CD38: variants seen among roughly 807,000 people sequenced by gnomAD.
CD38 encodes ADP-ribosyl cyclase/cyclic ADP-ribose hydrolase 1.
CD38 carries 31 observed loss-of-function variants against 36.3 expected under a neutral mutation model. The ratio of observed to expected loss-of-function variants is 0.85; its 90% CI spans 0.64 to 1.15. The LOEUF (loss-of-function observed/expected upper bound fraction) is 1.15, where lower values mean the gene tolerates loss of function less well. CD38 is among the 50% of genes most tolerant of loss of function. The pLI is 0.00. For missense variants in CD38, 380 were observed against 371.9 expected (o/e 1.02, Z -0.18); for synonymous variants, 131 against 135.2 (o/e 0.97, Z 0.22).
At chr4:15,847,955 A>G (rs994855226) in intron 7 of CD38, among the ~76,000 whole-genome samples, 6 of 152,172 alleles carry the variant, frequency 3.9e-5, no homozygotes, top group African/African-American at 1.2e-4. Context: ...ACACATCACA[A>G]GGGCAGGTTC....
intron 3 of CD38, among the ~76,000 whole-genome samples, chr4:15,830,728 T>C (rs1003055798): frequency 6.6e-6 from 1 of 152,162 alleles, no homozygotes; most frequent in South Asian, 2.1e-4. Flanking sequence ...AGTAGTTTCA[T>C]AGTTTGAGGT....
chr4:15,838,063 G>A (rs1416847723), intron 4 of CD38, 29 bp from the exon 5 acceptor site: 1 of 1,586,216 alleles, frequency 6.3e-7, no homozygotes, highest in South Asian at 1.1e-5. Context: ...AAGTTTGCAT[G>A]ATGAATGGTG....
intron 2 of CD38, among the ~76,000 whole-genome samples, chr4:15,823,491 GC>G (rs1723783320): frequency 6.6e-6 from 1 of 151,870 alleles, no homozygotes; most frequent in Admixed American, 6.6e-5. Context: ...AAAATAAACA[GC>G]CCCATCAAAA....
At chr4:15,842,330 C>T (rs927641946) in intron 7 of CD38, among the ~76,000 whole-genome samples, 4 of 136,634 alleles carry the variant, frequency 2.9e-5, no homozygotes, top group Admixed American at 1.4e-4. Flanking sequence ...AGTATTCCAA[C>T]AGACCTGCAG....
intron 1 of CD38, among the ~76,000 whole-genome samples, chr4:15,800,723 A>C (rs2148918406): frequency 6.6e-6 from 1 of 152,288 alleles, no homozygotes; most frequent in African/African-American, 2.4e-5. Context: ...AACTTACTGA[A>C]AATGATGAAA....
chr4:15,786,764 C>T (rs553360105), intron 1 of CD38, among the ~76,000 whole-genome samples: 7 of 152,322 alleles, frequency 4.6e-5, no homozygotes, highest in East Asian at 1.9e-4. Flanking sequence ...GTGGATGGGA[C>T]GCCAGGGAGC....
intron 6 of CD38, 27 bp downstream of exon 6, chr4:15,840,145 T>A (rs369017095): frequency 6.8e-7 from 1 of 1,463,272 alleles, no homozygotes; most frequent in African/African-American, 1.4e-5. Context: ...TGTACCCAAG[T>A]GTTATTTTAT....
intron 1 of CD38, among the ~76,000 whole-genome samples, chr4:15,782,189 C>T (rs955090905): frequency 2.6e-5 from 4 of 152,224 alleles, no homozygotes; most frequent in African/African-American, 9.7e-5. Context: ...GCCTGGCAAG[C>T]CCACTCAAAG....
chr4:15,782,680 T>C (rs1190787638), intron 1 of CD38, among the ~76,000 whole-genome samples: 1 of 152,206 alleles, frequency 6.6e-6, no homozygotes, highest in African/African-American at 2.4e-5. Context: ...CCCCAAACCC[T>C]CAATTTCTGT....
chr4:15,780,516 TCTCACA>T (rs1180366314), intron 1 of CD38, among the ~76,000 whole-genome samples: 163 of 112,444 alleles, frequency 1.4e-3, no homozygotes, highest in East Asian at 0.012. Flanking sequence ...ATATTCTCTC[TCTCACA>T]CACACACACA....
rs1475646055 is a variant in CD38, at chr4:15,849,913, T to C, written c.*1311T>C. 2.6e-5 allele frequency: 4 copies of C among 152,234 alleles called. No individual in the cohort carries two copies. The South Asian group carries it at 6.2e-4, about 24-fold the overall frequency. The allele number at this position is 152,234 out of a possible 1,614,324, so 9.4% of individuals were successfully genotyped here. A position where few individuals can be genotyped will look rare whatever the true frequency, so the allele number is the denominator to read the frequency against. Reference sequence around the variant, plus strand: ...TTTAGCTGCAGCTCTTATGTTTTGATATGCCTCTCTTTATTATCCTTCAGT... The same window carrying C: ...TTTAGCTGCAGCTCTTATGTTTTGACATGCCTCTCTTTATTATCCTTCAGT... On this transcript the variant is annotated 3_prime_UTR_variant, in exon 8 of 8. Transcript: ENST00000226279.
chr4:15,847,748 C>A (rs571257326), intron 7 of CD38, among the ~76,000 whole-genome samples: 1 of 152,216 alleles, frequency 6.6e-6, no homozygotes, highest in Non-Finnish European at 1.5e-5. Flanking sequence ...TACTCTTTTA[C>A]CTTTTTTGTC....
intron 1 of CD38, among the ~76,000 whole-genome samples, chr4:15,786,642 C>T (rs1440426565): frequency 6.6e-6 from 1 of 152,248 alleles, no homozygotes; most frequent in African/African-American, 2.4e-5. Flanking sequence ...TCCAAGTCCC[C>T]ACTAGACTCA....
In CD38 at chr4:15,852,636, T is replaced by TA. The variant is rs1209173799; in HGVS notation, c.*4036dup. On this transcript the variant is annotated 3_prime_UTR_variant, in exon 8 of 8. Transcript: ENST00000226279. ...GTTTTTCTTTGAATAACAGAGCAAT[T>TA]AATTTACTTTTACTATGAAGAGTCA... 1 of 152,130 alleles carries TA rather than the reference T, an allele frequency of 6.6e-6. No individual in the cohort carries two copies. The highest frequency in any genetic ancestry group is 1.9e-4 in the East Asian group (1 of 5,200). The allele number at this position is 152,130 out of a possible 1,614,324, so 9.4% of individuals were successfully genotyped here. A position where few individuals can be genotyped will look rare whatever the true frequency, so the allele number is the denominator to read the frequency against.
chr4:15,788,159 G>A (rs1402813687), intron 1 of CD38, among the ~76,000 whole-genome samples: 1 of 152,036 alleles, frequency 6.6e-6, no homozygotes, highest in African/African-American at 2.4e-5. Flanking sequence ...CTTAGAGCTG[G>A]GTCAGGAAGT....
In CD38 at chr4:15,850,345, G is replaced by A. The variant is rs13137313; in HGVS notation, c.*1743G>A. ...AATAAACCATATGTGTTGAACAAAG[G>A]ATTAATAAATTAATTTGAGACTCCT... is the stretch of plus-strand genomic sequence containing the variant. On this transcript the variant is annotated 3_prime_UTR_variant, in exon 8 of 8. Coordinates refer to ENST00000226279, the MANE Select transcript of CD38 (RefSeq NM_001775.4). 0.78 allele frequency: 118,980 copies of A among 152,100 alleles called. 47,546 individuals carry two copies. Among genetic ancestry groups the A allele is most frequent in the African/African-American group, 0.94 (38,836 of 41,520 alleles). 9.4% of individuals were successfully genotyped at this position (152,100 alleles called of 1,614,324 possible).
Position 15,850,991 on chromosome 4 carries a change from C to G in CD38, c.*2389C>G, listed in dbSNP as rs1724370617. ...CCACATCCCCTTCCAAACAAGAAATCAAAATATTAGAAATCAATTTTTGAA... is the reference window on the plus strand; with the variant it reads ...CCACATCCCCTTCCAAACAAGAAATGAAAATATTAGAAATCAATTTTTGAA... On this transcript the variant is annotated 3_prime_UTR_variant, in exon 8 of 8. Transcript: ENST00000226279. 1.3e-5 allele frequency: 2 copies of G among 152,134 alleles called. No homozygotes were observed. Among genetic ancestry groups the G allele is most frequent in the Non-Finnish European group, 2.9e-5 (2 of 68,054 alleles). The allele number at this position is 152,134 out of a possible 1,614,324, so 9.4% of individuals were successfully genotyped here. A position where few individuals can be genotyped will look rare whatever the true frequency, so the allele number is the denominator to read the frequency against.
At chr4:15,806,244 A>C (rs1366309522) in intron 1 of CD38, among the ~76,000 whole-genome samples, 1 of 152,168 alleles carries the variant, frequency 6.6e-6, no homozygotes, top group Admixed American at 6.5e-5. Context: ...ACTGTGCCCT[A>C]TTCTGGTCCT....
chr4:15,834,152 G>A (rs1724014253), intron 3 of CD38, 65 bp from the exon 4 acceptor site: 3 of 1,033,812 alleles, frequency 2.9e-6, no homozygotes, highest in African/African-American at 3.1e-5. Flanking sequence ...GAACAGCCAG[G>A]GAAGAGTACA....
Sources: gnomAD v4.1 joint callset for allele counts (sites outside exome capture counted in the v4.1 genomes callset) on GRCh38, gnomAD v4.1.1 for gene constraint, MANE v1.5 for transcripts, NCBI Gene and HGNC (gene_info 2026-07-23, HGNC 2026-07-21) for gene names.